LDLRAP1: variants seen among roughly 807,000 people sequenced by gnomAD.
The protein encoded by LDLRAP1 is low density lipoprotein receptor adapter protein 1.
LDLRAP1 carries 30 observed loss-of-function variants against 37.8 expected under a neutral mutation model. That is an observed-to-expected ratio of 0.79 (90% CI 0.59 to 1.08). The LOEUF (loss-of-function observed/expected upper bound fraction) is 1.08, where lower values mean the gene tolerates loss of function less well. LDLRAP1 is among the 50% of genes least tolerant of loss of function. The pLI is 0.00. For synonymous variants in LDLRAP1, 156 were observed against 169.8 expected, an observed-to-expected ratio of 0.92 and a Z score of 0.63; for missense variants, 375 against 401.6, an observed-to-expected ratio of 0.93 and a Z score of 0.57.
chr1:25,546,458 C>T (rs1339998789), intron 1 of LDLRAP1, among the ~76,000 whole-genome samples: 2 of 152,194 alleles, frequency 1.3e-5, no homozygotes, highest in Non-Finnish European at 2.9e-5. Flanking sequence ...TCCTGGTTGT[C>T]CTGACCTTGA....
rs1557700040 is a variant in LDLRAP1, at chr1:25,553,944, C to CA, written c.112dup (p.Thr38AsnfsTer27). 6.2e-7 allele frequency: 1 copy of CA among 1,613,986 alleles called. No homozygotes were observed. Among genetic ancestry groups the CA allele is most frequent in the South Asian group, 1.1e-5 (1 of 91,076 alleles). ...CAGAGCTGCCTGAGAACTGGACAGA[C>CA]ACGCGGGAGACGCTGCTGGAGGGGA... On this transcript the variant is annotated frameshift_variant, in exon 2 of 9. Transcript: ENST00000374338. LOFTEE classifies it high-confidence loss of function.
chr1:25,558,621 TC>T (rs751051552), intron 4 of LDLRAP1, among the ~76,000 whole-genome samples: 8 of 152,260 alleles, frequency 5.3e-5, no homozygotes, highest in Non-Finnish European at 1.0e-4. Context: ...GTCCTCATCT[TC>T]CGAGCCAGCA....
At chr1:25,578,197 G>A in the LDLRAP1 span, among the ~76,000 whole-genome samples, 1 of 152,176 alleles carries the variant, frequency 6.6e-6, no homozygotes, top group African/African-American at 2.4e-5. Flanking sequence ...ACAAAGAAGC[G>A]GGTGACCGTT....
At chr1:25,582,255 AC>A in the LDLRAP1 span, among the ~76,000 whole-genome samples, 1 of 152,220 alleles carries the variant, frequency 6.6e-6, no homozygotes, top group Non-Finnish European at 1.5e-5. Flanking sequence ...GTTCTAAGAT[AC>A]TTCCCCCGCT....
intron 1 of LDLRAP1, among the ~76,000 whole-genome samples, chr1:25,545,561 T>C (rs1235387720): frequency 6.6e-6 from 1 of 152,116 alleles, no homozygotes; most frequent in Admixed American, 6.5e-5. Context: ...CCAGCATGAT[T>C]AGTACTGTGG....
chr1:25,581,115 C>T, the LDLRAP1 span, among the ~76,000 whole-genome samples: 1 of 152,150 alleles, frequency 6.6e-6, no homozygotes, highest in Non-Finnish European at 1.5e-5. Context: ...GGGTGCCGTG[C>T]TGGGCTGGAG....
At chr1:25,572,469 AC>A (rs2044618579), downstream of LDLRAP1, among the ~76,000 whole-genome samples, 1 of 152,078 alleles carries the variant, frequency 6.6e-6, no homozygotes, top group Non-Finnish European at 1.5e-5. Flanking sequence ...TGTGTGGTCC[AC>A]CCTCTGCCCC....
At chr1:25,548,297 C>T (rs914633626) in intron 1 of LDLRAP1, among the ~76,000 whole-genome samples, 19 of 146,604 alleles carry the variant, frequency 1.3e-4, no homozygotes, top group Non-Finnish European at 1.2e-4. Context: ...CGGGTGTGAA[C>T]TCAGTTCATC....
chr1:25,556,178 C>T (rs946420345), intron 3 of LDLRAP1, among the ~76,000 whole-genome samples: 4 of 152,106 alleles, frequency 2.6e-5, no homozygotes, highest in East Asian at 1.9e-4. Context: ...GAGTCTATGG[C>T]GCTCCTGTCC....
At chr1:25,548,106 A>G (rs1248462397) in intron 1 of LDLRAP1, among the ~76,000 whole-genome samples, 1 of 152,224 alleles carries the variant, frequency 6.6e-6, no homozygotes, top group Non-Finnish European at 1.5e-5. Context: ...ATTATGAGCC[A>G]TGGTCAAACT....
chr1:25,566,405 A>C (rs1403225626), intron 8 of LDLRAP1, among the ~76,000 whole-genome samples: 10 of 151,666 alleles, frequency 6.6e-5, no homozygotes, highest in Non-Finnish European at 1.5e-4. Flanking sequence ...AATTTACTTG[A>C]CTCTCCCCTA....
In LDLRAP1 at chr1:25,565,919, G is replaced by A. The variant is rs558031119; in HGVS notation, c.782+712G>A. Among the ~76,000 whole-genome samples, 144 of 152,242 alleles carry A rather than the reference G, an allele frequency of 9.5e-4. 2 individuals carry two copies. The South Asian group carries it at 0.027, about 29-fold the overall frequency. On this transcript the variant is annotated intron_variant, in intron 8 of 8. Transcript: ENST00000374338. ...TGGAGTCAGCGATTTTTGGTCCAGC[G>A]GGTGGGGACAGAGTCAGGGTCTTTG...
downstream of LDLRAP1, among the ~76,000 whole-genome samples, chr1:25,570,555 G>C (rs376315662): frequency 1.3e-5 from 2 of 152,094 alleles, no homozygotes; most frequent in Admixed American, 1.3e-4. Flanking sequence ...GGAGGTGCCC[G>C]TTTGTATATT....
chr1:25,567,160 T>A lies in LDLRAP1; in HGVS notation c.*168T>A. ...TCAGGCAGGGGAGAGATTTTTCTTT[T>A]AAGCCCTGCTCTTTCTCTGAGAACC... On this transcript the variant is annotated 3_prime_UTR_variant, in exon 9 of 9. Transcript: ENST00000374338. 1 of 778,694 alleles carries A rather than the reference T, an allele frequency of 1.3e-6. No individual in the cohort carries two copies. Among genetic ancestry groups the A allele is most frequent in the Non-Finnish European group, 2.1e-6 (1 of 469,812 alleles). 48.2% of individuals were successfully genotyped at this position (778,694 alleles called of 1,614,324 possible).
downstream of LDLRAP1, among the ~76,000 whole-genome samples, chr1:25,570,307 G>A (rs541014948): frequency 2.0e-5 from 3 of 152,282 alleles, no homozygotes; most frequent in Non-Finnish European, 2.9e-5. Context: ...AGCGCCAGCC[G>A]TCTGCTCTTT....
At chr1:25,558,082 C>T (rs907731465) in intron 4 of LDLRAP1, among the ~76,000 whole-genome samples, 9 of 152,064 alleles carry the variant, frequency 5.9e-5, no homozygotes, top group Admixed American at 2.6e-4. Flanking sequence ...TTGGTGGTCA[C>T]GGGGGATTTG....
chr1:25,572,674 T>A (rs11806326), downstream of LDLRAP1, among the ~76,000 whole-genome samples: 1 of 151,888 alleles, frequency 6.6e-6, no homozygotes, highest in African/African-American at 2.4e-5. Context: ...TTCCACCGAC[T>A]CCATGCCCAG....
At chr1:25,588,824 C>T in the LDLRAP1 span, among the ~76,000 whole-genome samples, 1 of 152,160 alleles carries the variant, frequency 6.6e-6, no homozygotes, top group Non-Finnish European at 1.5e-5. Context: ...TTCAAAGTGG[C>T]CTCACAGAGG....
chr1:25,563,284 C>T, intron 6 of LDLRAP1, 131 bp downstream of exon 6: 1 of 680,832 alleles, frequency 1.5e-6, no homozygotes, highest in Middle Eastern at 4.1e-4. Context: ...ATAAATAATA[C>T]ACGTTCATTA....
Sources: allele counts gnomAD v4.1 joint callset (sites outside exome capture counted in the v4.1 genomes callset), GRCh38; gene constraint gnomAD v4.1.1; transcripts MANE v1.5; gene names NCBI Gene and HGNC (gene_info 2026-07-23, HGNC 2026-07-21).